The following USH2A variants were observed in gnomAD, a reference collection of about 807,000 sequenced individuals.
USH2A encodes the protein Usher syndrome 2A (autosomal recessive, mild).
Under a neutral mutation model 538.9 loss-of-function variants are expected in USH2A, and 443 were observed. That is an observed-to-expected ratio of 0.82 (90% CI 0.76 to 0.89). The LOEUF (loss-of-function observed/expected upper bound fraction) is 0.89. Ranked by LOEUF, USH2A falls within the 40% of genes least tolerant of loss-of-function variation. USH2A has a pLI of 0.00. For missense variants in USH2A, 6,633 were observed against 6,324.8 expected, an observed-to-expected ratio of 1.05 and a Z score of -1.65; for synonymous variants, 2,413 against 2,273.5, an observed-to-expected ratio of 1.06 and a Z score of -1.75.
At chr1:215,982,520 C>A (rs909635698) in intron 35 of USH2A, among the ~76,000 whole-genome samples, 1 of 152,180 alleles carries the variant, frequency 6.6e-6, no homozygotes, top group Non-Finnish European at 1.5e-5. Context: ...CCAATAGTTT[C>A]TTATATTTGT....
intron 16 of USH2A, among the ~76,000 whole-genome samples, chr1:216,201,250 G>T (rs2102470484): frequency 6.6e-6 from 1 of 150,748 alleles, no homozygotes; most frequent in Non-Finnish European, 1.5e-5. Flanking sequence ...GGCCACAAAA[G>T]ACACAAATCT....
intron 61 of USH2A, among the ~76,000 whole-genome samples, chr1:215,686,784 C>T (rs1481288275): frequency 7.7e-6 from 1 of 129,556 alleles, no homozygotes; most frequent in Non-Finnish European, 1.8e-5. Flanking sequence ...GTATAGATTG[C>T]CATTTGCACA....
chr1:216,332,266 G>A (rs2037881175), intron 4 of USH2A, among the ~76,000 whole-genome samples: 1 of 152,106 alleles, frequency 6.6e-6, no homozygotes, highest in Non-Finnish European at 1.5e-5. Context: ...ACTGGAAACA[G>A]CATTTACTCT....
intron 11 of USH2A, among the ~76,000 whole-genome samples, chr1:216,287,770 T>A (rs2036915541): frequency 1.3e-5 from 2 of 152,172 alleles, no homozygotes. Context: ...CTTCCTATAC[T>A]ATATAACAAA....
chr1:215,653,403 C>T (rs1439812992), intron 64 of USH2A, among the ~76,000 whole-genome samples: 1 of 152,120 alleles, frequency 6.6e-6, no homozygotes, highest in Non-Finnish European at 1.5e-5. Flanking sequence ...TACTCTTTTT[C>T]CTAGACTTTC....
intron 61 of USH2A, among the ~76,000 whole-genome samples, chr1:215,720,402 T>C (rs1205792867): frequency 6.6e-6 from 1 of 152,202 alleles, no homozygotes; most frequent in Non-Finnish European, 1.5e-5. Flanking sequence ...TAGGACAATT[T>C]TGATGCAATG....
chr1:216,160,505 A>T (rs1231915506), intron 21 of USH2A, among the ~76,000 whole-genome samples: 1 of 152,150 alleles, frequency 6.6e-6, no homozygotes, highest in Non-Finnish European at 1.5e-5. Flanking sequence ...GCAGTGGCTC[A>T]TCACATCTGT....
At chr1:215,978,911 G>A (rs967291738) in intron 35 of USH2A, among the ~76,000 whole-genome samples, 1 of 152,180 alleles carries the variant, frequency 6.6e-6, no homozygotes, top group Non-Finnish European at 1.5e-5. Flanking sequence ...GTAAGAAAGT[G>A]CAAGGTTCAG....
In USH2A at chr1:216,323,454, A is replaced by G. The variant is rs2037657898; in HGVS notation, c.1550+20T>C. On this transcript the variant is annotated intron_variant, in intron 8 of 71. Transcript: ENST00000307340. Reference sequence around the variant, plus strand: ...TAAGTATGACAAAAACCTTGTTGAAAACAAAATTCATAATAATACCTCCCA... The same window carrying G: ...TAAGTATGACAAAAACCTTGTTGAAGACAAAATTCATAATAATACCTCCCA... The G allele has an allele frequency of 6.2e-7, 1 of 1,612,576 alleles. No individual in the cohort carries two copies. The highest frequency in any genetic ancestry group is 1.7e-5 in the Admixed American group (1 of 59,910).
At chr1:216,107,948 T>G (rs1390193254) in intron 21 of USH2A, among the ~76,000 whole-genome samples, 1 of 151,910 alleles carries the variant, frequency 6.6e-6, no homozygotes, top group East Asian at 1.9e-4. Flanking sequence ...ATTTGTACTA[T>G]TTTTTATACA....
intron 70 of USH2A, among the ~76,000 whole-genome samples, chr1:215,631,893 G>A (rs1656294884): frequency 6.6e-6 from 1 of 152,176 alleles, no homozygotes; most frequent in Non-Finnish European, 1.5e-5. Context: ...CCCCAGAGGC[G>A]GCTTAGCCTG....
intron 56 of USH2A, among the ~76,000 whole-genome samples, chr1:215,761,187 T>G (rs2102743570): frequency 6.6e-6 from 1 of 152,262 alleles, no homozygotes; most frequent in South Asian, 2.1e-4. Context: ...AGCATGACAT[T>G]TTTGCATTTT....
rs1002305099 is a variant in USH2A at position 216,027,439 on chromosome 1, T to C, written c.6325+18992A>G. 3.9e-5 allele frequency among the ~76,000 whole-genome samples: 6 copies of C among 152,324 alleles called. No homozygotes were observed. In the East Asian group the frequency reaches 1.2e-3, roughly 29 times the overall value. ...TTGTTTAAGCCACTCAGCCTGTATT[T>C]TGTCATGGCAGCCCTAGCTAACTAA... On this transcript the variant is annotated intron_variant, in intron 32 of 71. Transcript: ENST00000307340.
rs569281522 is a variant in USH2A, at chr1:215,926,720, C to T, written c.7300+7896G>A. On this transcript the variant is annotated intron_variant, in intron 38 of 71. Coordinates refer to ENST00000307340, the MANE Select transcript of USH2A (RefSeq NM_206933.4). Reference sequence around the variant, plus strand: ...GTAACCTCCGCCTTTCGGGTTCAAGCGATTCTCCTACCCCAGCCTCCCGAA... The same window carrying T: ...GTAACCTCCGCCTTTCGGGTTCAAGTGATTCTCCTACCCCAGCCTCCCGAA... Among the ~76,000 whole-genome samples the T allele has an allele frequency of 1.1e-4, 16 of 140,696 alleles. No individual in the cohort carries two copies. The Middle Eastern group carries it at 0.021, about 185-fold the overall frequency. 92.3% of individuals were successfully genotyped at this position (140,696 alleles called of 152,430 possible).
At chr1:216,042,606 C>T (rs1373185483) in intron 32 of USH2A, among the ~76,000 whole-genome samples, 1 of 151,974 alleles carries the variant, frequency 6.6e-6, no homozygotes. Context: ...TAGATAGATA[C>T]ATGTTATGGT....
chr1:215,642,426 T>A (rs1656713837), intron 67 of USH2A, among the ~76,000 whole-genome samples: 1 of 152,176 alleles, frequency 6.6e-6, no homozygotes, highest in Non-Finnish European at 1.5e-5. Flanking sequence ...TACACATTTG[T>A]TGAAAAGAAC....
At chr1:216,238,194 C>A (rs1441338831) in intron 13 of USH2A, among the ~76,000 whole-genome samples, 1 of 152,080 alleles carries the variant, frequency 6.6e-6, no homozygotes, top group South Asian at 2.1e-4. Context: ...GAGGCACTGC[C>A]CTATTAGTAC....
intron 35 of USH2A, among the ~76,000 whole-genome samples, chr1:215,974,071 T>G (rs1000049639): frequency 2.6e-5 from 4 of 151,872 alleles, no homozygotes; most frequent in African/African-American, 4.8e-5. Flanking sequence ...GGACTAGTAT[T>G]ATATTGATAC....
At chr1:215,684,828 G>A (rs923325652) in intron 61 of USH2A, among the ~76,000 whole-genome samples, 3 of 152,102 alleles carry the variant, frequency 2.0e-5, no homozygotes, top group South Asian at 2.1e-4. Flanking sequence ...CAAGTCACGG[G>A]GTTCCCTTGC....
Sources: allele counts gnomAD v4.1 joint callset (sites outside exome capture counted in the v4.1 genomes callset), GRCh38; gene constraint gnomAD v4.1.1; transcripts MANE v1.5; gene names NCBI Gene and HGNC (gene_info 2026-07-23, HGNC 2026-07-21).